Variants in SNX1 observed in about 807,000 individuals in gnomAD.
The protein encoded by SNX1 is sorting nexin-1.
Under a neutral mutation model 71.8 loss-of-function variants are expected in SNX1, and 36 were observed. The ratio of observed to expected loss-of-function variants is 0.50; its 90% confidence interval spans 0.38 to 0.66. The LOEUF (loss-of-function observed/expected upper bound fraction) is 0.66. SNX1 is among the 30% of genes least tolerant of loss of function. The pLI is 0.00. For missense variants in SNX1, 612 were observed against 646.7 expected (o/e 0.95, Z 0.58); for synonymous variants, 254 against 240.7 (o/e 1.06, Z -0.51).
intron 11 of SNX1, among the ~76,000 whole-genome samples, chr15:64,133,423 G>A (rs915975903): frequency 6.6e-6 from 1 of 152,202 alleles, no homozygotes; most frequent in Non-Finnish European, 1.5e-5. Flanking sequence ...CTGTGCTGAG[G>A]AGGCATAGAC....
chr15:64,120,770 G>C (rs1466718576), intron 4 of SNX1, among the ~76,000 whole-genome samples: 1 of 152,154 alleles, frequency 6.6e-6, no homozygotes, highest in African/African-American at 2.4e-5. Context: ...GAGCCTGGAA[G>C]GTCAAGGCTG....
At position 64,137,944 on chromosome 15, in the gene SNX1, C is replaced by G; in HGVS notation, c.*326C>G. The G allele has an allele frequency of 7.1e-7, 1 of 1,418,060 alleles. No individual in the cohort carries two copies. Among genetic ancestry groups the G allele is most frequent in the Non-Finnish European group, 9.1e-7 (1 of 1,093,186 alleles). The allele number at this position is 1,418,060 out of a possible 1,614,324, so 87.8% of individuals were successfully genotyped here. A position where few individuals can be genotyped will look rare whatever the true frequency, so the allele number is the denominator to read the frequency against. On this transcript the variant is annotated 3_prime_UTR_variant, in exon 15 of 15. Transcript: ENST00000559844. ...GATGTGGTTTAGGAACTGGGAATAACGTTTTCTGTTACTCCTGATGGTGCC... is the reference window on the plus strand; with the variant it reads ...GATGTGGTTTAGGAACTGGGAATAAGGTTTTCTGTTACTCCTGATGGTGCC...
chr15:64,131,956 C>T (rs1313933622), intron 11 of SNX1, 64 bp downstream of exon 11: 1 of 1,549,196 alleles, frequency 6.5e-7, no homozygotes, highest in South Asian at 1.1e-5. Context: ...TTGCTGGTCC[C>T]CTTCCCAAGA....
At chr15:64,118,292 G>A in intron 3 of SNX1, 48 bp downstream of exon 3, 1 of 1,561,106 alleles carries the variant, frequency 6.4e-7, no homozygotes, top group East Asian at 2.3e-5. Flanking sequence ...ATTGAGGACT[G>A]TGTACGGCCA....
Position 64,138,662 on chromosome 15 carries a change from G to A in SNX1, c.*1044G>A, listed in dbSNP as rs1461996373. The stretch of plus-strand genomic sequence containing the variant: ...GGTAGCCTGCCAGCAAGAGCCCTCA[G>A]GAGTTGCACACACAGCCAAAGGGTG... On this transcript the variant is annotated 3_prime_UTR_variant, in exon 15 of 15. Transcript: ENST00000559844. 1 of 157,144 alleles carries A rather than the reference G, an allele frequency of 6.4e-6. No individual in the cohort carries two copies. The highest frequency in any genetic ancestry group is 2.4e-5 in the African/African-American group (1 of 41,462). The allele number at this position is 157,144 out of a possible 1,614,324, so 9.7% of individuals were successfully genotyped here.
chr15:64,143,283 A>G lies in SNX1; in HGVS notation c.*5665A>G, dbSNP rs2081432978. The G allele has an allele frequency of 6.6e-6, 1 of 152,300 alleles. No individual in the cohort carries two copies. The highest frequency in any genetic ancestry group is 2.4e-5 in the African/African-American group (1 of 41,464). 9.4% of individuals were successfully genotyped at this position (152,300 alleles called of 1,614,324 possible). On this transcript the variant is annotated 3_prime_UTR_variant, in exon 15 of 15. Transcript: ENST00000559844. ...CGTGCCTGATCTGAGATAAATGGAC[A>G]AGAACAACTGAAGCCTGTCTTCTGG...
In SNX1 at chr15:64,138,325, CTTTTTTTT is replaced by C. The variant is rs780446322; in HGVS notation, c.*716_*723del. 1.3e-4 allele frequency: 73 copies of C among 551,044 alleles called. No individual in the cohort carries two copies. Among genetic ancestry groups the C allele is most frequent in the Admixed American group, 4.1e-4 (10 of 24,408 alleles). 34.1% of individuals were successfully genotyped at this position (551,044 alleles called of 1,614,324 possible). A position where few individuals can be genotyped will look rare whatever the true frequency, so the allele number is the denominator to read the frequency against. On this transcript the variant is annotated 3_prime_UTR_variant, in exon 15 of 15. Transcript: ENST00000559844. ...AAGGAGGCAGAGACTTTCTCTCTCT[CTTTTTTTT>C]TTTTTTTTGGTGTCCCTATCATTAA... is the stretch of plus-strand genomic sequence containing the variant.
In SNX1 at chr15:64,137,693, C is replaced by A; in HGVS notation, c.*75C>A. ...CTGTCCTCCTCCACCTTGATGGACC[C>A]CTAGTGATGCATCCTGCCTAGGCTG... is the stretch of plus-strand genomic sequence containing the variant. On this transcript the variant is annotated 3_prime_UTR_variant, in exon 15 of 15. Coordinates refer to ENST00000559844, the MANE Select transcript of SNX1 (RefSeq NM_003099.5). The A allele has an allele frequency of 2.5e-6, 4 of 1,606,294 alleles. No homozygotes were observed. The highest frequency in any genetic ancestry group is 3.4e-6 in the Non-Finnish European group (4 of 1,175,210).
Position 64,137,657 on chromosome 15 carries a change from C to T in SNX1, c.*39C>T, listed in dbSNP as rs778766699. 1.2e-6 allele frequency: 2 copies of T among 1,613,940 alleles called. No homozygotes were observed. The highest frequency in any genetic ancestry group is 1.7e-6 in the Non-Finnish European group (2 of 1,179,894). The stretch of plus-strand genomic sequence containing the variant: ...CCAGAGCCCACCTGTGTGACGCTGC[C>T]TTTTTATACACTGTCCTCCTCCACC... On this transcript the variant is annotated 3_prime_UTR_variant, in exon 15 of 15. Coordinates refer to ENST00000559844, the MANE Select transcript of SNX1 (RefSeq NM_003099.5).
At chr15:64,118,723 A>G in intron 3 of SNX1, 65 bp from the exon 4 acceptor site, 1 of 1,229,542 alleles carries the variant, frequency 8.1e-7, no homozygotes, top group East Asian at 2.3e-5. Flanking sequence ...TAAGGTTATT[A>G]CAGGGTAAAA....
rs1018587732 is a variant in SNX1, at chr15:64,137,579, C to T, written c.1530C>T (p.Tyr510=). The T allele has an allele frequency of 3.7e-6, 6 of 1,614,056 alleles. No individual in the cohort carries two copies. The highest frequency in any genetic ancestry group is 5.1e-6 in the Non-Finnish European group (6 of 1,180,018). The stretch of plus-strand genomic sequence containing the variant: ...CCACTTCTTTGCAGCTGGCAAAGTA[C>T]TGGGAAGCCTTCCTTCCTGAGGCAA... ...LLYSQQQLAK[Y]WEAFLPEAKA... Residue 510 remains tyrosine (Y), a synonymous_variant, in exon 15 of 15, where the codon TAC becomes TAT. Transcript: ENST00000559844.
In SNX1 at chr15:64,142,419, G is replaced by T; in HGVS notation, c.*4801G>T. 1 of 300,540 alleles carries T rather than the reference G, an allele frequency of 3.3e-6. No individual in the cohort carries two copies. 18.6% of individuals were successfully genotyped at this position (300,540 alleles called of 1,614,324 possible). ...GGAGGCTTTGTTTTATTTAAAGGTG[G>T]GACAAACTTAAGCATGTTAATAAAA... is the stretch of plus-strand genomic sequence containing the variant. On this transcript the variant is annotated 3_prime_UTR_variant, in exon 15 of 15. Coordinates refer to ENST00000559844, the MANE Select transcript of SNX1 (RefSeq NM_003099.5).
intron 2 of SNX1, among the ~76,000 whole-genome samples, chr15:64,114,774 A>C (rs2081112056): frequency 6.6e-6 from 1 of 152,102 alleles, no homozygotes; most frequent in Non-Finnish European, 1.5e-5. Context: ...AAAAATTGAG[A>C]TTTTCCACTT....
At chr15:64,130,747 C>G (rs1470206351) in intron 10 of SNX1, among the ~76,000 whole-genome samples, 1 of 152,194 alleles carries the variant, frequency 6.6e-6, no homozygotes, top group Non-Finnish European at 1.5e-5. Context: ...GAAATTTTCC[C>G]AGTTTGAATC....
intron 10 of SNX1, among the ~76,000 whole-genome samples, chr15:64,131,140 C>T (rs2081302576): frequency 6.6e-6 from 1 of 152,042 alleles, no homozygotes; most frequent in Non-Finnish European, 1.5e-5. Flanking sequence ...AAAAATTAGC[C>T]AGGTGTGGTG....
rs151079925 is a variant in SNX1, at chr15:64,136,359, G to A, written c.1395G>A (p.Arg465=). 5.0e-4 allele frequency: 813 copies of A among 1,614,082 alleles called. 3 individuals are homozygous for A. In the African/African-American group the frequency reaches 9.8e-3, roughly 20 times the overall value. ...AGTCTCGGGTGACTCAATATGAAAG[G>A]GACTTCGAGAGGATTTCAACAGTGG... ...EWESRVTQYE[R]DFERISTVVR... is the part of the protein sequence containing the mutation. Residue 465 remains arginine (R), a synonymous_variant, in exon 13 of 15, where the codon AGG becomes AGA. Coordinates refer to ENST00000559844, the MANE Select transcript of SNX1 (RefSeq NM_003099.5).
chr15:64,132,833 C>T (rs1317504610), intron 11 of SNX1, among the ~76,000 whole-genome samples: 2 of 152,220 alleles, frequency 1.3e-5, no homozygotes, highest in South Asian at 2.1e-4. Flanking sequence ...GAAGGTTGCT[C>T]ATTGTCCTCT....
intron 2 of SNX1, among the ~76,000 whole-genome samples, chr15:64,113,831 AAGAAAGAAAG>A (rs1457223320): frequency 6.6e-6 from 1 of 151,278 alleles, no homozygotes; most frequent in Non-Finnish European, 1.5e-5. Context: ...AAAATAAAGA[AAGAAAGAAAG>A]AGAGAGAGAG....
At chr15:64,130,616 C>A (rs2140157192) in intron 10 of SNX1, among the ~76,000 whole-genome samples, 1 of 152,320 alleles carries the variant, frequency 6.6e-6, no homozygotes. Flanking sequence ...GGCTTACATC[C>A]AAAATGATGT....
Sources: gnomAD v4.1 joint callset for allele counts (sites outside exome capture counted in the v4.1 genomes callset) on GRCh38, gnomAD v4.1.1 for gene constraint, MANE v1.5 for transcripts, NCBI Gene and HGNC (gene_info 2026-07-23, HGNC 2026-07-21) for gene names.